BTBD9: variants seen among roughly 807,000 people sequenced by gnomAD.
BTBD9 encodes BTB/POZ domain-containing protein 9.
Under a neutral mutation model 64.3 loss-of-function variants are expected in BTBD9, and 49 were observed. The observed-to-expected ratio is 0.76, with a 90% CI of 0.61 to 0.97. BTBD9 has a LOEUF of 0.97. BTBD9 is among the 50% of genes least tolerant of loss of function. The pLI, the probability that BTBD9 is intolerant of heterozygous loss-of-function variation, is 0.00. For missense variants in BTBD9, 598 were observed against 762.1 expected (o/e 0.78, Z 2.53); for synonymous variants, 260 against 274.7 (o/e 0.95, Z 0.53).
intron 1 of BTBD9, among the ~76,000 whole-genome samples, chr6:38,622,188 C>A (rs116352716): frequency 1.8e-3 from 274 of 152,350 alleles, no homozygotes; most frequent in African/African-American, 6.2e-3. Flanking sequence ...GATAATCCCT[C>A]GGTCCGTTGT....
intron 6 of BTBD9, among the ~76,000 whole-genome samples, chr6:38,466,856 G>T (rs1193900522): frequency 6.6e-6 from 1 of 152,176 alleles, no homozygotes; most frequent in Non-Finnish European, 1.5e-5. Flanking sequence ...GGGATTACAG[G>T]CGTGAGCCAC....
chr6:38,181,271 C>A (rs1761542306), intron 10 of BTBD9, among the ~76,000 whole-genome samples: 1 of 152,224 alleles, frequency 6.6e-6, no homozygotes, highest in Admixed American at 6.5e-5. Context: ...GAATAATTTC[C>A]ACAGACTGCT....
intron 6 of BTBD9, among the ~76,000 whole-genome samples, chr6:38,452,677 T>C (rs1371530616): frequency 1.3e-5 from 2 of 152,050 alleles, no homozygotes; most frequent in Non-Finnish European, 2.9e-5. Context: ...CTGATTTAAA[T>C]TGTAGGTCTA....
chr6:38,464,412 C>A (rs1234562198), intron 6 of BTBD9, among the ~76,000 whole-genome samples: 1 of 150,462 alleles, frequency 6.6e-6, no homozygotes, highest in East Asian at 1.9e-4. Flanking sequence ...AAAGAGTTGT[C>A]CTTTTTATGG....
At chr6:38,374,934 G>C (rs1359626671) in intron 6 of BTBD9, among the ~76,000 whole-genome samples, 1 of 152,208 alleles carries the variant, frequency 6.6e-6, no homozygotes, top group African/African-American at 2.4e-5. Context: ...AGGCGTAGCT[G>C]AGATGTGATA....
intron 6 of BTBD9, among the ~76,000 whole-genome samples, chr6:38,540,833 T>C (rs1243258007): frequency 6.6e-6 from 1 of 152,340 alleles, no homozygotes; most frequent in Non-Finnish European, 1.5e-5. Flanking sequence ...AAGTATAAAT[T>C]TTTTAAAAAC....
At chr6:38,256,569 C>G (rs1764587271) in intron 8 of BTBD9, 53 bp from the exon 9 acceptor site, 1 of 1,370,296 alleles carries the variant, frequency 7.3e-7, no homozygotes, top group Non-Finnish European at 1.0e-6. Context: ...CTGGTTGTTT[C>G]TTTAGGTTGT....
At chr6:38,329,323 C>CTTTTTTTTT (rs201597571) in intron 7 of BTBD9, among the ~76,000 whole-genome samples, 1 of 132,710 alleles carries the variant, frequency 7.5e-6, no homozygotes, top group Non-Finnish European at 1.6e-5. Flanking sequence ...CCTTTTTTTC[C>CTTTTTTTTT]TTTTTTTTTT....
intron 7 of BTBD9, among the ~76,000 whole-genome samples, chr6:38,301,602 T>G (rs1446111758): frequency 6.6e-6 from 1 of 152,190 alleles, no homozygotes; most frequent in Non-Finnish European, 1.5e-5. Context: ...ACTGTATGTG[T>G]CCAGAATTTA....
At chr6:38,301,584 C>T (rs1762405425) in intron 7 of BTBD9, among the ~76,000 whole-genome samples, 1 of 152,178 alleles carries the variant, frequency 6.6e-6, no homozygotes, top group Admixed American at 6.5e-5. Flanking sequence ...CTGGTTTAGT[C>T]TTGGGAGACT....
chr6:38,260,885 T>C (rs779990123), intron 8 of BTBD9, among the ~76,000 whole-genome samples: 2 of 152,212 alleles, frequency 1.3e-5, no homozygotes, highest in Non-Finnish European at 2.9e-5. Flanking sequence ...CTTTATTTAA[T>C]CAATCTATTA....
At chr6:38,551,035 ATCT>A (rs1458124573) in intron 6 of BTBD9, among the ~76,000 whole-genome samples, 12 of 152,152 alleles carry the variant, frequency 7.9e-5, no homozygotes, top group African/African-American at 2.9e-4. Context: ...TTGTTCATTA[ATCT>A]TCAGGTCTTT....
intron 6 of BTBD9, among the ~76,000 whole-genome samples, chr6:38,387,772 T>G (rs1562113706): frequency 6.6e-6 from 1 of 152,118 alleles, no homozygotes; most frequent in Non-Finnish European, 1.5e-5. Flanking sequence ...AATAGATAAA[T>G]TCTTGGGAAA....
chr6:38,612,302 T>C (rs1403971407), intron 1 of BTBD9, among the ~76,000 whole-genome samples: 2 of 152,202 alleles, frequency 1.3e-5, no homozygotes, highest in African/African-American at 4.8e-5. Context: ...CTTCAACTAA[T>C]ATTCAAGCCA....
chr6:38,513,136 G>T (rs1408533125), intron 6 of BTBD9, among the ~76,000 whole-genome samples: 1 of 152,116 alleles, frequency 6.6e-6, no homozygotes, highest in African/African-American at 2.4e-5. Flanking sequence ...TTTCTTATAA[G>T]GTTCATTTAA....
rs1766694720 is a variant in BTBD9 at position 38,170,097 on chromosome 6, C to CA, written c.*4887dup. 1 of 152,244 alleles carries CA rather than the reference C, an allele frequency of 6.6e-6. No homozygotes were observed. 9.4% of individuals were successfully genotyped at this position (152,244 alleles called of 1,614,324 possible). On this transcript the variant is annotated 3_prime_UTR_variant, in exon 11 of 11. Coordinates refer to ENST00000481247, the MANE Select transcript of BTBD9 (RefSeq NM_001099272.2). ...GACGTGGGCCCAGGTCGGAAGCAGC[C>CA]AGAGCCAGATGAAGGGCACCTGGCC... is the stretch of plus-strand genomic sequence containing the variant.
At chr6:38,222,187 C>G (rs1763219721) in intron 9 of BTBD9, among the ~76,000 whole-genome samples, 1 of 148,290 alleles carries the variant, frequency 6.7e-6, no homozygotes, top group Admixed American at 6.8e-5. Flanking sequence ...GGGCTCTTAG[C>G]TACTCAAATA....
chr6:38,270,922 A>G lies in BTBD9; in HGVS notation c.1455-14406T>C, dbSNP rs1582143524. On this transcript the variant is annotated intron_variant, in intron 8 of 10. Coordinates refer to ENST00000481247, the MANE Select transcript of BTBD9 (RefSeq NM_001099272.2). ...TTCACAACTGTATCCTCTCAGATTT[A>G]TAATCTGGGAAGTGGGTGGTAGGGG... Among the ~76,000 whole-genome samples the G allele has an allele frequency of 3.9e-5, 6 of 152,120 alleles. No individual in the cohort carries two copies. The South Asian group carries it at 1.2e-3, about 32-fold the overall frequency.
chr6:38,494,833 T>G (rs1237517700), intron 6 of BTBD9, among the ~76,000 whole-genome samples: 3 of 152,216 alleles, frequency 2.0e-5, no homozygotes, highest in African/African-American at 7.2e-5. Context: ...GAAAAGACAT[T>G]GATTTCTCAC....
Sources: allele counts gnomAD v4.1 joint callset (sites outside exome capture counted in the v4.1 genomes callset), GRCh38; gene constraint gnomAD v4.1.1; transcripts MANE v1.5; gene names NCBI Gene and HGNC (gene_info 2026-07-23, HGNC 2026-07-21).